The following GRID1 variants were observed in gnomAD, a reference collection of about 807,000 sequenced individuals.
GRID1 encodes the protein glutamate ionotropic receptor delta type subunit 1, also known as glutamate receptor ionotropic, delta-1.
In GRID1, 28 loss-of-function variants were observed where a neutral mutation model predicts 98.0. The ratio of observed to expected loss-of-function variants is 0.29; its 90% CI spans 0.21 to 0.39. The LOEUF is 0.39. Among genes scored for constraint, GRID1 ranks in the 10% least tolerant of loss-of-function variants. The pLI is 1.00. For synonymous variants in GRID1, 553 were observed against 538.5 expected (o/e 1.03, Z -0.37); for missense variants, 1,111 against 1,340.5 (o/e 0.83, Z 2.67).
At chr10:85,872,683 A>G (rs978191259) in intron 5 of GRID1, among the ~76,000 whole-genome samples, 7 of 152,170 alleles carry the variant, frequency 4.6e-5, no homozygotes, top group African/African-American at 1.4e-4. Context: ...CTTAGTCTGC[A>G]CTGTTTCTTT....
chr10:86,177,554 AC>A (rs1220971799), intron 3 of GRID1, among the ~76,000 whole-genome samples: 2 of 152,106 alleles, frequency 1.3e-5, no homozygotes, highest in African/African-American at 4.8e-5. Flanking sequence ...AGAAAAACAG[AC>A]AGATTCCAGT....
At chr10:86,087,343 G>T (rs1589366642) in intron 4 of GRID1, among the ~76,000 whole-genome samples, 1 of 67,648 alleles carries the variant, frequency 1.5e-5, no homozygotes, top group Non-Finnish European at 2.5e-5. Flanking sequence ...GAGTGTGTTT[G>T]TGTGTGTGTG....
At chr10:86,239,014 T>C (rs1416689143) in intron 2 of GRID1, among the ~76,000 whole-genome samples, 3 of 152,014 alleles carry the variant, frequency 2.0e-5, no homozygotes, top group Admixed American at 2.0e-4. Context: ...CCCAGAATGG[T>C]AGATCCACCA....
intron 8 of GRID1, among the ~76,000 whole-genome samples, chr10:85,798,005 C>G (rs1300010040): frequency 6.6e-6 from 1 of 152,106 alleles, no homozygotes; most frequent in African/African-American, 2.4e-5. Context: ...CACGTTTATC[C>G]AATCCACCAT....
intron 2 of GRID1, among the ~76,000 whole-genome samples, chr10:86,240,440 C>T (rs1846609895): frequency 6.6e-6 from 1 of 152,212 alleles, no homozygotes; most frequent in African/African-American, 2.4e-5. Context: ...GCCTCCTCTG[C>T]ACTGAGCCCC....
At chr10:86,258,807 T>C (rs1846965422) in intron 2 of GRID1, among the ~76,000 whole-genome samples, 1 of 152,202 alleles carries the variant, frequency 6.6e-6, no homozygotes, top group Non-Finnish European at 1.5e-5. Flanking sequence ...TGGAGGCTTT[T>C]TGTAATGTGA....
At chr10:86,299,467 A>C (rs1431345101) in intron 2 of GRID1, among the ~76,000 whole-genome samples, 1 of 151,516 alleles carries the variant, frequency 6.6e-6, no homozygotes, top group East Asian at 1.9e-4. Context: ...ATATCTCCTA[A>C]TGCTATCCCT....
intron 4 of GRID1, among the ~76,000 whole-genome samples, chr10:86,048,115 C>T: frequency 6.6e-6 from 1 of 152,260 alleles, no homozygotes; most frequent in Admixed American, 6.5e-5. Context: ...AAGCAAATTC[C>T]AGATGCCCAG....
intron 4 of GRID1, among the ~76,000 whole-genome samples, chr10:86,096,083 G>T (rs1419065014): frequency 6.6e-6 from 1 of 152,206 alleles, no homozygotes; most frequent in Admixed American, 6.5e-5. Context: ...TATTCTAAGT[G>T]ATGTAATTCA....
chr10:85,687,434 A>G (rs1463328143), intron 12 of GRID1, among the ~76,000 whole-genome samples: 3 of 152,068 alleles, frequency 2.0e-5, no homozygotes, highest in African/African-American at 4.8e-5. Flanking sequence ...TTAAAATTTG[A>G]ATTTGTATGG....
intron 2 of GRID1, among the ~76,000 whole-genome samples, chr10:86,289,868 G>A (rs2132074464): frequency 6.6e-6 from 1 of 152,332 alleles, no homozygotes; most frequent in South Asian, 2.1e-4. Flanking sequence ...TCTTACTTGT[G>A]CTGAGACTGT....
rs545474946 is a variant in GRID1, at chr10:86,281,636, T to C, written c.236-74988A>G. On this transcript the variant is annotated intron_variant, in intron 2 of 15. Transcript: ENST00000327946. ...CCAACAGTTACAGAAAGGAAGCAGG[T>C]GCTCTGGGCTCCTGTTGCCCACAGA... Among the ~76,000 whole-genome samples, 17 of 152,288 alleles carry C rather than the reference T, an allele frequency of 1.1e-4. No homozygotes were observed. In the East Asian group the frequency reaches 3.1e-3, roughly 28 times the overall value.
chr10:86,240,720 A>C (rs891609128), intron 2 of GRID1, among the ~76,000 whole-genome samples: 1 of 152,202 alleles, frequency 6.6e-6, no homozygotes, highest in African/African-American at 2.4e-5. Context: ...AGCTGCACGC[A>C]GTGGAGCAGC....
chr10:85,670,902 T>C (rs1841078029), intron 12 of GRID1, among the ~76,000 whole-genome samples: 1 of 152,188 alleles, frequency 6.6e-6, no homozygotes, highest in Admixed American at 6.5e-5. Flanking sequence ...ACCTCTGGCC[T>C]TCTTACTTGC....
chr10:86,157,863 G>A (rs563431240), intron 3 of GRID1, among the ~76,000 whole-genome samples: 1 of 152,218 alleles, frequency 6.6e-6, no homozygotes, highest in Non-Finnish European at 1.5e-5. Context: ...ATAGGAGATA[G>A]TAGCCTCCTC....
At chr10:85,939,575 T>C (rs918664018) in intron 4 of GRID1, among the ~76,000 whole-genome samples, 16 of 152,134 alleles carry the variant, frequency 1.1e-4, no homozygotes, top group African/African-American at 3.6e-4. Context: ...TCTGGGCCTT[T>C]CTTGGGGAGT....
chr10:85,897,757 G>C (rs536733599), intron 5 of GRID1, among the ~76,000 whole-genome samples: 1 of 151,948 alleles, frequency 6.6e-6, no homozygotes, highest in Non-Finnish European at 1.5e-5. Flanking sequence ...ATCTTTCTTA[G>C]CATTCTTCAA....
intron 4 of GRID1, among the ~76,000 whole-genome samples, chr10:86,119,932 A>G (rs545080522): frequency 6.6e-6 from 1 of 151,932 alleles, no homozygotes; most frequent in African/African-American, 2.4e-5. Flanking sequence ...CTGGGACTAC[A>G]GGTACCCGCC....
intron 4 of GRID1, among the ~76,000 whole-genome samples, chr10:85,964,158 A>G (rs1187368898): frequency 6.6e-6 from 1 of 152,244 alleles, no homozygotes; most frequent in Non-Finnish European, 1.5e-5. Context: ...ATGGAAAAAC[A>G]TTCCATGCTC....
Sources: allele counts gnomAD v4.1 joint callset (sites outside exome capture counted in the v4.1 genomes callset), GRCh38; gene constraint gnomAD v4.1.1; transcripts MANE v1.5; gene names NCBI Gene and HGNC (gene_info 2026-07-23, HGNC 2026-07-21).